The following PLPP4 variants were observed in gnomAD, a reference collection of about 807,000 sequenced individuals.
PLPP4 encodes diacylglycerol pyrophosphate like 2.
PLPP4 carries 20 observed loss-of-function variants against 32.2 expected under a neutral mutation model. The ratio of observed to expected loss-of-function variants is 0.62; its 90% CI spans 0.44 to 0.90. The LOEUF is 0.90. PLPP4 is among the 40% of genes least tolerant of loss of function. The pLI, the probability that PLPP4 is intolerant of heterozygous loss-of-function variation, is 0.00. For synonymous variants in PLPP4, 127 were observed against 133.0 expected (o/e 0.95, Z 0.31); for missense variants, 257 against 353.1 (o/e 0.73, Z 2.18).
At chr10:120,557,907 A>C (rs1351330735) in intron 5 of PLPP4, among the ~76,000 whole-genome samples, 4 of 152,268 alleles carry the variant, frequency 2.6e-5, no homozygotes, top group African/African-American at 9.6e-5. Flanking sequence ...TGCACTATAT[A>C]ATTTTCTTGC....
At chr10:120,529,485 C>G (rs944171016) in intron 5 of PLPP4, among the ~76,000 whole-genome samples, 8 of 152,008 alleles carry the variant, frequency 5.3e-5, no homozygotes, top group Non-Finnish European at 1.2e-4. Flanking sequence ...TACTCTTTCT[C>G]AAAGAAATAG....
chr10:120,463,829 T>A (rs1848187486), intron 1 of PLPP4, among the ~76,000 whole-genome samples: 1 of 152,110 alleles, frequency 6.6e-6, no homozygotes, highest in South Asian at 2.1e-4. Context: ...TTTTTTTGTA[T>A]ATATAGATAG....
chr10:120,543,296 G>A (rs1393146778), intron 5 of PLPP4, among the ~76,000 whole-genome samples: 3 of 152,202 alleles, frequency 2.0e-5, no homozygotes, highest in Non-Finnish European at 2.9e-5. Flanking sequence ...GCCTGTGGAT[G>A]GTAGAGGCAG....
intron 5 of PLPP4, among the ~76,000 whole-genome samples, chr10:120,548,839 T>C (rs1160411704): frequency 3.3e-5 from 5 of 152,150 alleles, no homozygotes; most frequent in Non-Finnish European, 7.4e-5. Flanking sequence ...ATGTTGAGCA[T>C]TTTTTCATAT....
intron 2 of PLPP4, among the ~76,000 whole-genome samples, chr10:120,513,246 TATC>T (rs1380795573): frequency 6.6e-6 from 1 of 152,154 alleles, no homozygotes; most frequent in South Asian, 2.1e-4. Flanking sequence ...GTCACAGAGT[TATC>T]ATGAGGATGT....
chr10:120,571,703 G>A (rs893697387), intron 5 of PLPP4, among the ~76,000 whole-genome samples: 6 of 152,094 alleles, frequency 3.9e-5, no homozygotes, highest in Non-Finnish European at 8.8e-5. Context: ...TAGCTGCCAG[G>A]AAGAGTGTCA....
intron 5 of PLPP4, among the ~76,000 whole-genome samples, chr10:120,557,749 A>G (rs577472973): frequency 7.8e-4 from 119 of 152,314 alleles, no homozygotes; most frequent in African/African-American, 2.7e-3. Context: ...GAATTTTACA[A>G]TTAAGCTTTG....
chr10:120,538,052 C>CTCTGTGTGTGTGTG (rs1847142984), intron 5 of PLPP4, among the ~76,000 whole-genome samples: 1 of 18,992 alleles, frequency 5.3e-5, no homozygotes, highest in African/African-American at 2.5e-4. Context: ...CTCTCTCTCT[C>CTCTGTGTGTGTGTG]TGTGTGTGTG....
At chr10:120,477,022 C>G (rs1843956611) in intron 1 of PLPP4, among the ~76,000 whole-genome samples, 1 of 152,138 alleles carries the variant, frequency 6.6e-6, no homozygotes, top group African/African-American at 2.4e-5. Flanking sequence ...CTTAGTTCGC[C>G]ATAATCTTGG....
intron 5 of PLPP4, among the ~76,000 whole-genome samples, chr10:120,572,625 G>T: frequency 6.6e-6 from 1 of 152,162 alleles, no homozygotes; most frequent in African/African-American, 2.4e-5. Context: ...TGCATTTAGT[G>T]TAATTAGGTG....
At chr10:120,587,609 GA>G (rs978143138) in intron 6 of PLPP4, 1 of 152,182 alleles carries the variant, frequency 6.6e-6, no homozygotes, top group African/African-American at 2.4e-5. Context: ...ACTGAAATAT[GA>G]AAATATTGTC....
In PLPP4 at chr10:120,493,265, A is replaced by G. The variant is rs1844800710; in HGVS notation, c.57-10553A>G. Among the ~76,000 whole-genome samples, 3 of 152,126 alleles carry G rather than the reference A, an allele frequency of 2.0e-5. No individual in the cohort carries two copies. The South Asian group carries it at 6.2e-4, about 32-fold the overall frequency. ...TCTAACTTTATTCGTGGGTTCACCT[A>G]ATTGTTCATTGAGGGTGTTTGACTT... On this transcript the variant is annotated intron_variant, in intron 1 of 6. Transcript: ENST00000398250.
At chr10:120,489,352 G>C (rs1361804472) in intron 1 of PLPP4, among the ~76,000 whole-genome samples, 1 of 152,208 alleles carries the variant, frequency 6.6e-6, no homozygotes, top group Non-Finnish European at 1.5e-5. Flanking sequence ...CAGGCTCCCT[G>C]AGAATAGACA....
intron 1 of PLPP4, among the ~76,000 whole-genome samples, chr10:120,493,514 A>G (rs901372405): frequency 6.6e-6 from 1 of 152,164 alleles, no homozygotes; most frequent in Admixed American, 6.5e-5. Context: ...GAGGCTTTGC[A>G]TTGGGAGCTT....
intron 5 of PLPP4, among the ~76,000 whole-genome samples, chr10:120,538,845 G>A (rs1027677323): frequency 6.6e-6 from 1 of 152,050 alleles, no homozygotes; most frequent in African/African-American, 2.4e-5. Context: ...TAGCCCTATT[G>A]TCCAGTTGAG....
chr10:120,481,624 T>C (rs1214093128), intron 1 of PLPP4, among the ~76,000 whole-genome samples: 5 of 152,126 alleles, frequency 3.3e-5, no homozygotes, highest in Admixed American at 1.3e-4. Context: ...CCCTGAAAGG[T>C]GTCTGGTGCT....
At chr10:120,562,949 T>C (rs1268804865) in intron 5 of PLPP4, among the ~76,000 whole-genome samples, 1 of 152,170 alleles carries the variant, frequency 6.6e-6, no homozygotes, top group Non-Finnish European at 1.5e-5. Flanking sequence ...GATATAAATA[T>C]ACATTTCAGG....
intron 6 of PLPP4, among the ~76,000 whole-genome samples, chr10:120,580,678 C>CACACACACACACACACAA (rs1554899936): frequency 0.013 from 1,767 of 137,958 alleles, 40 homozygotes; most frequent in Admixed American, 0.016. Context: ...CACACACACA[C>CACACACACACACACACAA]ACGGCTGAGG....
chr10:120,469,969 T>C (rs920352964), intron 1 of PLPP4, among the ~76,000 whole-genome samples: 1 of 152,198 alleles, frequency 6.6e-6, no homozygotes, highest in African/African-American at 2.4e-5. Flanking sequence ...TGTTCAAGTA[T>C]TGCTGCATGA....
Sources: gnomAD v4.1 joint callset for allele counts (sites outside exome capture counted in the v4.1 genomes callset) on GRCh38, gnomAD v4.1.1 for gene constraint, MANE v1.5 for transcripts, NCBI Gene and HGNC (gene_info 2026-07-23, HGNC 2026-07-21) for gene names.